The following SIGLEC1 variants were observed in gnomAD, a reference collection of about 807,000 sequenced individuals.
SIGLEC1 encodes the protein sialic acid binding Ig like lectin 1, also known as sialoadhesin.
SIGLEC1 carries 132 observed loss-of-function variants against 148.0 expected under a neutral mutation model. The ratio of observed to expected loss-of-function variants is 0.89; its 90% CI spans 0.77 to 1.03. The LOEUF is 1.03. Among genes scored for constraint, SIGLEC1 ranks in the 50% least tolerant of loss-of-function variants. SIGLEC1 has a pLI of 0.00. For missense variants in SIGLEC1, 2,253 were observed against 2,271.4 expected, an observed-to-expected ratio of 0.99 and a Z score of 0.16; for synonymous variants, 945 against 969.0, an observed-to-expected ratio of 0.98 and a Z score of 0.46.
At chr20:3,704,740 C>A (rs754759641) in intron 4 of SIGLEC1, among the ~76,000 whole-genome samples, 1 of 152,150 alleles carries the variant, frequency 6.6e-6, no homozygotes, top group Non-Finnish European at 1.5e-5. Context: ...CCTCAGCCTC[C>A]CGAGGAACTG....
intron 3 of SIGLEC1, 127 bp downstream of exon 3, chr20:3,706,220 G>T: frequency 7.1e-7 from 1 of 1,403,212 alleles, no homozygotes; most frequent in Non-Finnish European, 9.6e-7. Flanking sequence ...GCCTACGCCG[G>T]GGCTGGAACA....
chr20:3,704,639 G>A (rs4813638), intron 4 of SIGLEC1, among the ~76,000 whole-genome samples: 1 of 152,178 alleles, frequency 6.6e-6, no homozygotes, highest in Non-Finnish European at 1.5e-5. Flanking sequence ...TTTTTAGAAA[G>A]AGGATCTGGC....
At chr20:3,709,558 G>A (rs145503446) in intron 1 of SIGLEC1, among the ~76,000 whole-genome samples, 53 of 152,310 alleles carry the variant, frequency 3.5e-4, no homozygotes, top group African/African-American at 1.1e-3. Context: ...ATATGATCCA[G>A]CAATTCCACT....
At chr20:3,692,370 AG>A in intron 16 of SIGLEC1, 150 bp downstream of exon 16, 18 of 1,152,604 alleles carry the variant, frequency 1.6e-5, no homozygotes, top group Non-Finnish European at 1.9e-5. Flanking sequence ...CAGGGCTTAT[AG>A]GACTGTCTCT....
chr20:3,694,485 C>T lies in SIGLEC1; in HGVS notation c.2992G>A (p.Gly998Arg). 1 of 1,591,188 alleles carries T rather than the reference C, an allele frequency of 6.3e-7. No individual in the cohort carries two copies. The highest frequency in any genetic ancestry group is 2.3e-5 in the East Asian group (1 of 43,916). ...TLTTLMDTGP[G>R]RLGLLLCRVD... ...CGGCACAGGAGGAGGCCCAGTCGTC[C>T]AGGGCCTGTGTCCATCAGGGTAGTG... The change falls in exon 13 of 22, where the codon GGA becomes AGA. Residue 998 changes from glycine (G) to arginine (R), a missense_variant. Coordinates refer to ENST00000344754, the MANE Select transcript of SIGLEC1 (RefSeq NM_023068.4).
At chr20:3,708,453 GT>G (rs1158050997) in intron 1 of SIGLEC1, among the ~76,000 whole-genome samples, 1 of 152,136 alleles carries the variant, frequency 6.6e-6, no homozygotes, top group East Asian at 1.9e-4. Context: ...AAAAAAATAG[GT>G]AAGTTGGACT....
At chr20:3,706,747 C>G (rs1257474676) in intron 2 of SIGLEC1, 41 bp from the exon 3 acceptor site, 1 of 1,501,584 alleles carries the variant, frequency 6.7e-7, no homozygotes, top group Admixed American at 2.1e-5. Context: ...GAGGGTGATA[C>G]AGGCCTCAGG....
rs2087895647 is a variant in SIGLEC1 at position 3,706,487 on chromosome 20, A to G, written c.269T>C (p.Met90Thr). Residue 90 changes from methionine to threonine, a missense_variant, in exon 3 of 22, where the codon ATG becomes ACG. By Grantham distance (81) the Met-to-Thr change is moderately conservative. Coordinates refer to ENST00000344754, the MANE Select transcript of SIGLEC1 (RefSeq NM_023068.4). ...EARFRGRTEF[M>T]GNPEHRVCNL... is the part of the protein sequence containing the mutation. ...GCACACCCTGTGCTCGGGGTTCCCC[A>G]TGAACTCGGTGCGGCCGCGGAAGCG... The G allele has an allele frequency of 3.7e-6, 6 of 1,613,860 alleles. No homozygotes were observed. The Middle Eastern group carries it at 8.2e-4, about 222-fold the overall frequency.
intron 3 of SIGLEC1, 32 bp from the exon 4 acceptor site, chr20:3,706,072 G>C: frequency 6.3e-7 from 1 of 1,591,742 alleles, no homozygotes; most frequent in South Asian, 1.1e-5. Context: ...CTCAGGACCC[G>C]CTTTTGCCAC....
At chr20:3,699,537 G>C in intron 7 of SIGLEC1, 78 bp from the exon 8 acceptor site, 1 of 1,526,524 alleles carries the variant, frequency 6.6e-7, no homozygotes, top group Non-Finnish European at 8.8e-7. Flanking sequence ...GCCTTCCAGG[G>C]TTCTCCTTTC....
At position 3,688,573 on chromosome 20, in the gene SIGLEC1, G is replaced by C; in HGVS notation, c.5117C>G (p.Pro1706Arg). 1 of 1,601,302 alleles carries C rather than the reference G, an allele frequency of 6.2e-7. No individual in the cohort carries two copies. The highest frequency in any genetic ancestry group is 8.5e-7 in the Non-Finnish European group (1 of 1,173,504). ...AATCETSTCAPPLG is the reference protein window; with the variant it reads ...AATCETSTCARPLG The stretch of plus-strand genomic sequence containing the variant: ...CAACACCACTGGTCAGCCCAGGGGT[G>C]GGGCACAGGTTGAGGTCTCACATGT... Residue 1706 changes from proline (P) to arginine (R), a missense_variant, in exon 22 of 22, where the codon CCA becomes CGA. Pro to Arg is a moderately radical substitution (Grantham distance 103). Coordinates refer to ENST00000344754, the MANE Select transcript of SIGLEC1 (RefSeq NM_023068.4).
intron 3 of SIGLEC1, 31 bp downstream of exon 3, chr20:3,706,316 C>CG: frequency 6.9e-6 from 11 of 1,582,752 alleles, no homozygotes; most frequent in Non-Finnish European, 5.1e-6. Flanking sequence ...GAATCCCTCC[C>CG]GGGGGGCAGC....
rs779355012 is a variant in SIGLEC1 at position 3,692,868 on chromosome 20, G to C, written c.3772C>G (p.Leu1258Val). 1 of 1,608,796 alleles carries C rather than the reference G, an allele frequency of 6.2e-7. No homozygotes were observed. Among genetic ancestry groups the C allele is most frequent in the Non-Finnish European group, 8.5e-7 (1 of 1,178,324 alleles). The change falls in exon 15 of 22, where the codon CTG (leucine) becomes GTG (valine). Residue 1258 changes from leucine (L) to valine (V), a missense_variant. Coordinates refer to ENST00000344754, the MANE Select transcript of SIGLEC1 (RefSeq NM_023068.4). Reference protein sequence around the residue: ...GQANTSLELRLEGVRVILAPE... With the variant: ...GQANTSLELRVEGVRVILAPE... ...GGCCTAGGCCCTGCCTTACCCTCCAGCCGCAGCTCCAGGGACGTGTTGGCC... is the reference window on the plus strand; with the variant it reads ...GGCCTAGGCCCTGCCTTACCCTCCACCCGCAGCTCCAGGGACGTGTTGGCC...
At chr20:3,693,927 C>T (rs1328311370) in intron 13 of SIGLEC1, among the ~76,000 whole-genome samples, 1 of 152,198 alleles carries the variant, frequency 6.6e-6, no homozygotes, top group Admixed American at 6.5e-5. Flanking sequence ...AGCCCTGAGC[C>T]CCTCCCTGAC....
intron 2 of SIGLEC1, 129 bp from the exon 3 acceptor site, chr20:3,706,835 G>A: frequency 8.3e-7 from 1 of 1,211,558 alleles, no homozygotes; most frequent in Non-Finnish European, 1.1e-6. Context: ...CCCGAGAAAT[G>A]CACACTTAGA....
intron 1 of SIGLEC1, among the ~76,000 whole-genome samples, chr20:3,707,803 G>C (rs57871907): frequency 0.05 from 7,557 of 152,226 alleles, 627 homozygotes; most frequent in African/African-American, 0.17. Context: ...CCCACTCTGG[G>C]GGCAGTTCTG....
Position 3,690,263 on chromosome 20 carries a change from G to T in SIGLEC1, c.4593C>A (p.Tyr1531Ter), listed in dbSNP as rs1052977076. Residue 1531 changes from tyrosine to a stop codon, truncating the protein, a stop_gained and splice_region_variant, in exon 19 of 22, where the codon TAC becomes TAA. Coordinates refer to ENST00000344754, the MANE Select transcript of SIGLEC1 (RefSeq NM_023068.4). LOFTEE classifies it high-confidence loss of function. ...CCATCATGGTGGGCGTCTTGGGAGG[G>T]TCTGTGGGGAGGAAGGGAGTGTGGT... The part of the protein sequence containing the change: ...ASAPVMLRVL[Y>*]PPKTPTMMVF... 4 of 1,541,332 alleles carry T rather than the reference G, an allele frequency of 2.6e-6. No individual in the cohort carries two copies. Among genetic ancestry groups the T allele is most frequent in the Non-Finnish European group, 1.8e-6 (2 of 1,142,116 alleles).
At position 3,692,782 on chromosome 20, in the gene SIGLEC1, G is replaced by A. The variant is rs771607632; in HGVS notation, c.3779-10C>T. 3 of 1,606,374 alleles carry A rather than the reference G, an allele frequency of 1.9e-6. 1 individual carries two copies. The South Asian group carries it at 3.3e-5, about 18-fold the overall frequency. On this transcript the variant is annotated splice_polypyrimidine_tract_variant and intron_variant, in intron 15 of 21. Transcript: ENST00000344754. Reference sequence around the variant, plus strand: ...AGGATCACCCGCACACCTGTGCCAAGGAGGCCAGGATCAGCCGGGCCCAGC... The same window carrying A: ...AGGATCACCCGCACACCTGTGCCAAAGAGGCCAGGATCAGCCGGGCCCAGC...
At chr20:3,691,243 T>G (rs1028403524) in intron 18 of SIGLEC1, 97 bp downstream of exon 18, 1 of 1,484,940 alleles carries the variant, frequency 6.7e-7, no homozygotes, top group African/African-American at 1.4e-5. Flanking sequence ...TCAATATCCG[T>G]GAAGCCTTCA....
Sources: allele counts gnomAD v4.1 joint callset (sites outside exome capture counted in the v4.1 genomes callset), GRCh38; gene constraint gnomAD v4.1.1; transcripts MANE v1.5; gene names NCBI Gene and HGNC (gene_info 2026-07-23, HGNC 2026-07-21).